HTR6: variants seen among roughly 807,000 people sequenced by gnomAD.
The protein encoded by HTR6 is 5-hydroxytryptamine receptor 6.
In HTR6, 15 loss-of-function variants were observed where a neutral mutation model predicts 17.4. That is an observed-to-expected ratio of 0.86 (90% CI 0.58 to 1.33). The LOEUF (loss-of-function observed/expected upper bound fraction) is 1.33. HTR6 is among the 40% of genes most tolerant of loss of function. HTR6 has a pLI of 0.00. For missense variants in HTR6, 578 were observed against 616.0 expected (o/e 0.94, Z 0.65); for synonymous variants, 326 against 295.5 (o/e 1.10, Z -1.06).
chr1:19,666,428 C>G lies in HTR6; in HGVS notation c.675C>G (p.Leu225=). Residue 225 remains leucine (L), a synonymous_variant, in exon 1 of 3, where the codon CTC becomes CTG. Coordinates refer to ENST00000289753, the MANE Select transcript of HTR6 (RefSeq NM_000871.3). The surrounding 1 kb of genome is among the most constrained non-coding windows in gnomAD (Gnocchi z 4.5). ...AGCAGGCCGTGCAGGTGGCCTCCCT[C>G]ACCACCGGCATGGCCAGTCAGGCCT... ...ARKQAVQVAS[L]TTGMASQASE... is the part of the protein sequence containing the mutation. 6.2e-7 allele frequency: 1 copy of G among 1,612,838 alleles called. No individual in the cohort carries two copies. The highest frequency in any genetic ancestry group is 1.7e-5 in the Admixed American group (1 of 59,966).
intron 1 of HTR6, among the ~76,000 whole-genome samples, chr1:19,672,867 A>G (rs2095089837): frequency 6.6e-6 from 1 of 152,142 alleles, no homozygotes; most frequent in African/African-American, 2.4e-5. Flanking sequence ...CTGTCTCTAA[A>G]AATATATATA....
At position 19,666,613 on chromosome 1, in the gene HTR6, A is replaced by ACC; in HGVS notation, c.714+146_714+147insCC. The ACC allele has an allele frequency of 1.6e-6, 1 of 637,772 alleles. No homozygotes were observed. Among genetic ancestry groups the ACC allele is most frequent in the Non-Finnish European group, 2.7e-6 (1 of 372,580 alleles). The allele number at this position is 637,772 out of a possible 1,614,324, so 39.5% of individuals were successfully genotyped here. ...AGCGCCCACCTTTCTTCTGAACTCC[A>ACC]GAGCCAATGCCTGACCCACCCACCA... On this transcript the variant is annotated intron_variant, in intron 1 of 2. Coordinates refer to ENST00000289753, the MANE Select transcript of HTR6 (RefSeq NM_000871.3). The surrounding 1 kb of genome is among the most constrained non-coding windows in gnomAD (Gnocchi z 4.5).
Position 19,666,030 on chromosome 1 carries a change from G to A in HTR6, c.277G>A (p.Val93Met). Residue 93 changes from valine (V) to methionine (M), a missense_variant, in exon 1 of 3, where the codon GTG (valine) becomes ATG (methionine). Transcript: ENST00000289753. The surrounding 1 kb of genome is among the most constrained non-coding windows in gnomAD (Gnocchi z 4.5). ...GCTGAACGCGCTGTACGGGCGCTGG[G>A]TGCTGGCGCGCGGCCTCTGCCTGCT... ...AMLNALYGRW[V>M]LARGLCLLWT... is the part of the protein sequence containing the mutation. The A allele has an allele frequency of 1.9e-6, 3 of 1,613,670 alleles. No homozygotes were observed. The highest frequency in any genetic ancestry group is 1.7e-4 in the Middle Eastern group (1 of 6,060).
At chr1:19,678,838 G>T (rs2095097606) in intron 2 of HTR6, 81 bp from the exon 3 acceptor site, 1 of 1,557,970 alleles carries the variant, frequency 6.4e-7, no homozygotes, top group Admixed American at 1.8e-5. Context: ...GCGTGTGTGT[G>T]TGTGTCTGCT....
intron 1 of HTR6, among the ~76,000 whole-genome samples, chr1:19,674,405 T>C (rs922769742): frequency 4.1e-4 from 57 of 140,438 alleles, no homozygotes; most frequent in Non-Finnish European, 6.5e-4. Context: ...GCCACTCTTC[T>C]CTTTTTTTTT....
intron 1 of HTR6, among the ~76,000 whole-genome samples, chr1:19,673,135 C>A (rs1209064715): frequency 1.3e-5 from 2 of 152,248 alleles, no homozygotes; most frequent in African/African-American, 2.4e-5. Context: ...GAGCCAGAGA[C>A]TAATAATAAT....
At position 19,679,060 on chromosome 1, in the gene HTR6, C is replaced by T. The variant is rs200649224; in HGVS notation, c.1015C>T (p.Arg339Cys). ...GCTGGGCAGGTTCCTGCCATGTCCA[C>T]GCTGTCCCCGGGAGCGCCAGGCCAG... ...RALGRFLPCP[R>C]CPRERQASLA... Residue 339 changes from arginine to cysteine, a missense_variant, in exon 3 of 3, where the codon CGC (arginine) becomes TGC (cysteine). Transcript: ENST00000289753. This position sits in a 1 kb window ranked among gnomAD's most constrained non-coding sequence, Gnocchi z 4.9. 3.4e-5 allele frequency: 55 copies of T among 1,614,090 alleles called. No individual in the cohort carries two copies. Among genetic ancestry groups the T allele is most frequent in the African/African-American group, 1.5e-4 (11 of 75,060 alleles).
rs1216936199 is a variant in HTR6, at chr1:19,678,649, C to T, written c.797C>T (p.Ala266Val). ...AAGCACAGCAGGAAGGCCCTGAAGG[C>T]CAGCCTGACGCTGGGCATCCTGCTG... ...ATKHSRKALK[A>V]SLTLGILLGM... The change falls in exon 2 of 3, where the codon GCC becomes GTC. Residue 266 changes from alanine to valine, a missense_variant. Coordinates refer to ENST00000289753, the MANE Select transcript of HTR6 (RefSeq NM_000871.3). 1 of 1,613,686 alleles carries T rather than the reference C, an allele frequency of 6.2e-7. No homozygotes were observed. Among genetic ancestry groups the T allele is most frequent in the Non-Finnish European group, 8.5e-7 (1 of 1,179,994 alleles).
At chr1:19,675,339 G>C (rs909099212) in intron 1 of HTR6, among the ~76,000 whole-genome samples, 1 of 152,096 alleles carries the variant, frequency 6.6e-6, no homozygotes, top group Non-Finnish European at 1.5e-5. Flanking sequence ...TCGAGAAATG[G>C]GGATGATAAT....
In HTR6 at chr1:19,666,108, CTCA is replaced by C; in HGVS notation, c.359_361del (p.Ile120del). On this transcript the variant is annotated inframe_deletion, in exon 1 of 3. Coordinates refer to ENST00000289753, the MANE Select transcript of HTR6 (RefSeq NM_000871.3). The surrounding 1 kb of genome is among the most constrained non-coding windows in gnomAD (Gnocchi z 4.5). ...CAGCGCCTCCATCCTCAACCTCTGC[CTCA>C]TCAGCCTGGACCGCTACCTGCTCAT... 6.2e-7 allele frequency: 1 copy of C among 1,612,586 alleles called. No individual in the cohort carries two copies. Among genetic ancestry groups the C allele is most frequent in the Non-Finnish European group, 8.5e-7 (1 of 1,179,902 alleles).
chr1:19,677,911 TG>T (rs967639089), intron 1 of HTR6, among the ~76,000 whole-genome samples: 16 of 152,200 alleles, frequency 1.1e-4, no homozygotes, highest in African/African-American at 3.9e-4. Flanking sequence ...GGCTAATTTT[TG>T]TATTTTTAGT....
rs1363176540 is a variant in HTR6, at chr1:19,679,380, G to A, written c.*12G>A. On this transcript the variant is annotated 3_prime_UTR_variant, in exon 3 of 3. Coordinates refer to ENST00000289753, the MANE Select transcript of HTR6 (RefSeq NM_000871.3). The surrounding 1 kb of genome is among the most constrained non-coding windows in gnomAD (Gnocchi z 4.9). The stretch of plus-strand genomic sequence containing the variant: ...TCCCCACGAACTGACCCGGGCTTGG[G>A]GCTGGCCAATGGGGAGCTGGATTGA... 1.9e-6 allele frequency: 3 copies of A among 1,566,776 alleles called. No homozygotes were observed. Among genetic ancestry groups the A allele is most frequent in the Non-Finnish European group, 2.6e-6 (3 of 1,154,282 alleles).
rs903998660 is a variant in HTR6, at chr1:19,680,814, G to T, written c.*1446G>T. On this transcript the variant is annotated 3_prime_UTR_variant, in exon 3 of 3. Transcript: ENST00000289753. ...TTCCATCAACACAAACTCCCAGGGG[G>T]TCCTCCATGCCTGGCCTGGCCCTCT... is the stretch of plus-strand genomic sequence containing the variant. 1.3e-5 allele frequency among the ~76,000 whole-genome samples: 2 copies of T among 152,174 alleles called. No homozygotes were observed. The highest frequency in any genetic ancestry group is 4.8e-5 in the African/African-American group (2 of 41,438).
chr1:19,680,852 T>C lies in HTR6; in HGVS notation c.*1484T>C, dbSNP rs1157092617. Among the ~76,000 whole-genome samples, 3 of 152,206 alleles carry C rather than the reference T, an allele frequency of 2.0e-5. No individual in the cohort carries two copies. Among genetic ancestry groups the C allele is most frequent in the Non-Finnish European group, 2.9e-5 (2 of 68,034 alleles). On this transcript the variant is annotated 3_prime_UTR_variant, in exon 3 of 3. Coordinates refer to ENST00000289753, the MANE Select transcript of HTR6 (RefSeq NM_000871.3). ...GGCCTGGCCCTCTCCTTGGTGCTGA[T>C]GAGACACAACTCTGGCCCCGGCGGC...
In HTR6 at chr1:19,678,939, C is replaced by T. The variant is rs202204432; in HGVS notation, c.894C>T (p.Ser298=). 2.5e-5 allele frequency: 41 copies of T among 1,611,862 alleles called. No homozygotes were observed. The highest frequency in any genetic ancestry group is 3.4e-5 in the Non-Finnish European group (40 of 1,178,584). Residue 298 remains serine, a synonymous_variant, in exon 3 of 3, where the codon TCC becomes TCT. Coordinates refer to ENST00000289753, the MANE Select transcript of HTR6 (RefSeq NM_000871.3). ...NIVQAVCDCI[S]PGLFDVLTWL... is the part of the protein sequence containing the mutation. ...CCCAGGCCGTGTGCGACTGCATCTCCCCAGGCCTCTTCGATGTCCTCACAT... is the reference window on the plus strand; with the variant it reads ...CCCAGGCCGTGTGCGACTGCATCTCTCCAGGCCTCTTCGATGTCCTCACAT...
In HTR6 at chr1:19,679,337, GGCCGCATCCACTT is replaced by G; in HGVS notation, c.1294_1306del (p.Pro432AlafsTer18). 1 of 1,599,106 alleles carries G rather than the reference GGCCGCATCCACTT, an allele frequency of 6.3e-7. No homozygotes were observed. The highest frequency in any genetic ancestry group is 8.5e-7 in the Non-Finnish European group (1 of 1,171,578). On this transcript the variant is annotated frameshift_variant, in exon 3 of 3. Transcript: ENST00000289753. LOFTEE classifies it high-confidence loss of function. The surrounding 1 kb of genome is among the most constrained non-coding windows in gnomAD (Gnocchi z 4.9). ...ATCGACCCCGCGGAGCCCGAGCTGC[GGCCGCATCCACTT>G]GGCATCCCCACGAACTGACCCGGGC...
intron 1 of HTR6, among the ~76,000 whole-genome samples, chr1:19,678,138 GGTT>G (rs2095096641): frequency 6.6e-6 from 1 of 152,202 alleles, no homozygotes; most frequent in African/African-American, 2.4e-5. Context: ...TTGCAGGGAT[GGTT>G]GTTCTTCTGA....
rs757957479 is a variant in HTR6, at chr1:19,666,209, C to T, written c.456C>T (p.Ser152=). The change falls in exon 1 of 3, where the codon AGC becomes AGT. Residue 152 remains serine (S), a synonymous_variant. Transcript: ENST00000289753. The surrounding 1 kb of genome is among the most constrained non-coding windows in gnomAD (Gnocchi z 4.5). ...RALALVLGAW[S]LAALASFLPL... is the part of the protein sequence containing the mutation. ...TGGCCCTAGTCCTGGGCGCCTGGAG[C>T]CTCGCCGCTCTCGCCTCCTTCCTGC... is the stretch of plus-strand genomic sequence containing the variant. 1.2e-5 allele frequency: 19 copies of T among 1,609,430 alleles called. No homozygotes were observed. Among genetic ancestry groups the T allele is most frequent in the Non-Finnish European group, 1.4e-5 (17 of 1,179,692 alleles).
chr1:19,678,139 G>C (rs192571664), intron 1 of HTR6, among the ~76,000 whole-genome samples: 3 of 152,288 alleles, frequency 2.0e-5, no homozygotes, highest in Admixed American at 2.0e-4. Context: ...TGCAGGGATG[G>C]TTGTTCTTCT....
Sources: gnomAD v4.1 joint callset for allele counts (sites outside exome capture counted in the v4.1 genomes callset) on GRCh38, gnomAD v4.1.1 for gene constraint, Gnocchi (gnomAD v3.1) non-coding constraint, MANE v1.5 for transcripts, NCBI Gene and HGNC (gene_info 2026-07-23, HGNC 2026-07-21) for gene names.